PNPLA7: variants seen among roughly 807,000 people sequenced by gnomAD.
PNPLA7 encodes patatin-like phospholipase domain-containing protein 7.
In PNPLA7, 153 loss-of-function variants were observed where a neutral mutation model predicts 161.7. The observed-to-expected ratio is 0.95, with a 90% CI of 0.83 to 1.08. PNPLA7 has a LOEUF of 1.08. Among genes scored for constraint, PNPLA7 ranks in the 50% least tolerant of loss-of-function variants. The pLI is 0.00. For missense variants in PNPLA7, 1,739 were observed against 1,856.6 expected (o/e 0.94, Z 1.16); for synonymous variants, 809 against 782.1 (o/e 1.03, Z -0.57).
intron 18 of PNPLA7, among the ~76,000 whole-genome samples, chr9:137,495,949 G>A (rs1833032240): frequency 6.6e-6 from 1 of 152,114 alleles, no homozygotes; most frequent in African/African-American, 2.4e-5. Context: ...AAGACCTTCG[G>A]CCCTGGCAGA....
chr9:137,506,101 AC>A lies in PNPLA7; in HGVS notation c.1226-19del. On this transcript the variant is annotated intron_variant, in intron 12 of 34. Transcript: ENST00000406427. ...TGGGCCCCCTACACACAGAGGGGAC[AC>A]TCAGGACACGGTTCGCTAGGCCACT... The A allele has an allele frequency of 6.3e-7, 1 of 1,599,406 alleles. No homozygotes were observed. The highest frequency in any genetic ancestry group is 1.1e-5 in the South Asian group (1 of 89,238).
rs770012851 is a variant in PNPLA7 at position 137,515,534 on chromosome 9, G to T, written c.1085-15C>A. 13 of 1,527,068 alleles carry T rather than the reference G, an allele frequency of 8.5e-6. No individual in the cohort carries two copies. Among genetic ancestry groups the T allele is most frequent in the Non-Finnish European group, 1.1e-5 (13 of 1,140,488 alleles). The allele number at this position is 1,527,068 out of a possible 1,614,324, so 94.6% of individuals were successfully genotyped here. ...GCCCCCGTGATCTGCTGGGGAGGCA[G>T]CCGTAAGCAACCTTGTTTGCACGCA... On this transcript the variant is annotated splice_polypyrimidine_tract_variant and intron_variant, in intron 11 of 34. Transcript: ENST00000406427.
In PNPLA7 at chr9:137,515,420, TC is replaced by T; in HGVS notation, c.1183del (p.Glu395ArgfsTer53). On this transcript the variant is annotated frameshift_variant, in exon 12 of 35. Coordinates refer to ENST00000406427, the MANE Select transcript of PNPLA7 (RefSeq NM_001098537.3). LOFTEE classifies it high-confidence loss of function. Reference sequence around the variant, plus strand: ...GTCAGGGTCACCTGCCCCGGGCTTCTCCAGCTCCTCCAAGATCTGTTTGCGA... The same window carrying T: ...GTCAGGGTCACCTGCCCCGGGCTTCTCAGCTCCTCCAAGATCTGTTTGCGA... ...SIRKQILEEL[E>X]KPGAGDPDPS... The T allele has an allele frequency of 1.2e-6, 2 of 1,603,952 alleles. No homozygotes were observed. The highest frequency in any genetic ancestry group is 1.1e-5 in the South Asian group (1 of 89,090).
chr9:137,543,769 C>T lies in PNPLA7; in HGVS notation c.320G>A (p.Arg107Gln), dbSNP rs372294088. ...CTTGGTCCTCTTCCTGGCCCGCTGC[C>T]GGGGCAGGGCAGTGTTCTCCACAAG... ...NTLVENTALP[R>Q]QRARKRTKVL... The change falls in exon 5 of 35, where the codon CGG (arginine) becomes CAG (glutamine). Residue 107 changes from arginine to glutamine, a missense_variant. Physicochemically the swap from Arg to Gln is conservative, Grantham distance 43. Around this residue, in one of 6 missense-constraint regions of PNPLA7, gnomAD observed 209 missense variants for 252.8 expected, o/e 0.83. Transcript: ENST00000406427. The surrounding 1 kb of genome is among the most constrained non-coding windows in gnomAD (Gnocchi z 6.9). The T allele has an allele frequency of 1.8e-5, 29 of 1,613,916 alleles. No individual in the cohort carries two copies. The highest frequency in any genetic ancestry group is 1.7e-4 in the Admixed American group (10 of 60,006).
In PNPLA7 at chr9:137,523,928, C is replaced by T. The variant is rs985884499; in HGVS notation, c.748-1071G>A. ...TACCGGCGTGAGCCACCACGCCTGG[C>T]TCAGATTATTCTGGAAATTAGTTGG... On this transcript the variant is annotated intron_variant, in intron 8 of 34. Transcript: ENST00000406427. The surrounding 1 kb of genome is among the most constrained non-coding windows in gnomAD (Gnocchi z 4.4). Among the ~76,000 whole-genome samples the T allele has an allele frequency of 6.6e-6, 1 of 152,112 alleles. No homozygotes were observed. The highest frequency in any genetic ancestry group is 3.4e-3 in the Middle Eastern group (1 of 294).
At chr9:137,505,502 C>A (rs948745768) in intron 14 of PNPLA7, 112 bp downstream of exon 14, 11 of 1,302,916 alleles carry the variant, frequency 8.4e-6, no homozygotes. Flanking sequence ...ACCCAAAACA[C>A]CTCCTTTGCA....
chr9:137,464,854 T>G, intron 26 of PNPLA7: 1 of 229,380 alleles, frequency 4.4e-6, no homozygotes, highest in Non-Finnish European at 8.8e-6. Flanking sequence ...GCACATGAGG[T>G]TCCTGGGCCA....
chr9:137,473,708 C>T (rs980867499), intron 25 of PNPLA7, among the ~76,000 whole-genome samples: 6 of 152,172 alleles, frequency 3.9e-5, no homozygotes, highest in Non-Finnish European at 5.9e-5. Context: ...AGGTGTTCTA[C>T]GTCATCAGTC....
At chr9:137,549,483 T>C (rs1564377610) in intron 1 of PNPLA7, among the ~76,000 whole-genome samples, 2 of 143,440 alleles carry the variant, frequency 1.4e-5, no homozygotes, top group East Asian at 4.1e-4. Flanking sequence ...GGCAGGAGAA[T>C]GGCGTGAACC....
chr9:137,479,102 A>C lies in PNPLA7; in HGVS notation c.2717T>G (p.Leu906Arg), dbSNP rs1322171800. The C allele has an allele frequency of 6.2e-7, 1 of 1,600,002 alleles. No individual in the cohort carries two copies. The highest frequency in any genetic ancestry group is 8.5e-7 in the Non-Finnish European group (1 of 1,174,002). Reference sequence around the variant, plus strand: ...GGAGAAGACGCGGCGCGGGCAGCAGAGGTGCAGGTGGCCGGAGCACCAGCT... The same window carrying C: ...GGAGAAGACGCGGCGCGGGCAGCAGCGGTGCAGGTGGCCGGAGCACCAGCT... ...MRSWCSGHLH[L>R]CCPRRVFSRR... The change falls in exon 24 of 35, where the codon CTC becomes CGC. Residue 906 changes from leucine (L) to arginine (R), a missense_variant. Transcript: ENST00000406427.
At position 137,547,538 on chromosome 9, in the gene PNPLA7, G is replaced by A. The variant is rs1237180790; in HGVS notation, c.105+47C>T. The A allele has an allele frequency of 2.5e-6, 4 of 1,607,540 alleles. No individual in the cohort carries two copies. The highest frequency in any genetic ancestry group is 3.4e-6 in the Non-Finnish European group (4 of 1,174,812). ...ATGGGGACAGGGAGAGGTGAAAAAGGCCACGGCCCATCCAGGTCTGGCTCC... is the reference window on the plus strand; with the variant it reads ...ATGGGGACAGGGAGAGGTGAAAAAGACCACGGCCCATCCAGGTCTGGCTCC... On this transcript the variant is annotated intron_variant, in intron 2 of 34. Transcript: ENST00000406427. This position sits in a 1 kb window ranked among gnomAD's most constrained non-coding sequence, Gnocchi z 4.6.
chr9:137,506,757 T>G (rs964898265), intron 12 of PNPLA7, among the ~76,000 whole-genome samples: 5 of 152,198 alleles, frequency 3.3e-5, no homozygotes, highest in Non-Finnish European at 7.3e-5. Context: ...ACACAGCGTA[T>G]CTGACCTCTG....
Position 137,501,855 on chromosome 9 carries a change from C to T in PNPLA7, c.1474-128G>A, listed in dbSNP as rs113455883. On this transcript the variant is annotated intron_variant, in intron 14 of 34. Coordinates refer to ENST00000406427, the MANE Select transcript of PNPLA7 (RefSeq NM_001098537.3). ...CCAGAGGCCGGGCAAGGCCCTCCTC[C>T]GAGGCTGTCCTCCAACAAGGGCCTG... The T allele has an allele frequency of 8.2e-4, 745 of 908,266 alleles. 2 individuals are homozygous for T. Among genetic ancestry groups the T allele is most frequent in the African/African-American group, 5.2e-3 (314 of 59,900 alleles). 56.3% of individuals were successfully genotyped at this position (908,266 alleles called of 1,614,324 possible). A position where few individuals can be genotyped will look rare whatever the true frequency, so the allele number is the denominator to read the frequency against.
At chr9:137,495,818 G>A (rs1390460873) in intron 18 of PNPLA7, among the ~76,000 whole-genome samples, 2 of 152,186 alleles carry the variant, frequency 1.3e-5, no homozygotes, top group South Asian at 2.1e-4. Context: ...CCTCCCTGCC[G>A]GCATCCGGCC....
At chr9:137,489,508 T>C (rs1319247787) in intron 20 of PNPLA7, among the ~76,000 whole-genome samples, 1 of 151,956 alleles carries the variant, frequency 6.6e-6, no homozygotes, top group African/African-American at 2.4e-5. Flanking sequence ...GCAAGGAGGA[T>C]CTGAACCAGA....
chr9:137,463,012 T>C, intron 29 of PNPLA7, 179 bp from the exon 30 acceptor site: 4 of 871,544 alleles, frequency 4.6e-6, no homozygotes, highest in Non-Finnish European at 6.9e-6. Context: ...GGCACACGGC[T>C]GTGTCCTGGG....
intron 17 of PNPLA7, 34 bp downstream of exon 17, chr9:137,498,080 A>G: frequency 6.3e-7 from 1 of 1,598,798 alleles, no homozygotes; most frequent in Non-Finnish European, 8.6e-7. Flanking sequence ...CCAGGGCAGC[A>G]TGGATGCGGA....
At chr9:137,510,999 A>G (rs2132390355) in intron 12 of PNPLA7, among the ~76,000 whole-genome samples, 1 of 152,376 alleles carries the variant, frequency 6.6e-6, no homozygotes, top group Non-Finnish European at 1.5e-5. Flanking sequence ...CCAAAGAAAA[A>G]CCAGGCCACA....
intron 21 of PNPLA7, 24 bp from the exon 22 acceptor site, chr9:137,481,047 G>A (rs758881449): frequency 9.0e-6 from 14 of 1,551,314 alleles, no homozygotes; most frequent in South Asian, 2.4e-5. Flanking sequence ...CACCAGTAAC[G>A]GAGCCTGCCT....
Sources: gnomAD v4.1 joint callset for allele counts (sites outside exome capture counted in the v4.1 genomes callset) on GRCh38, gnomAD v4.1.1 for gene constraint, gnomAD v4.1.1 regional missense constraint, Gnocchi (gnomAD v3.1) non-coding constraint, MANE v1.5 for transcripts, NCBI Gene and HGNC (gene_info 2026-07-23, HGNC 2026-07-21) for gene names.